The following ZNF250 variants were observed in gnomAD, a reference collection of about 807,000 sequenced individuals.
The protein encoded by ZNF250 is zinc finger protein (clone 647).
Under a neutral mutation model 37.1 loss-of-function variants are expected in ZNF250, and 13 were observed. The ratio of observed to expected loss-of-function variants is 0.35; its 90% CI spans 0.23 to 0.56. ZNF250 has a LOEUF of 0.56. Ranked by LOEUF, ZNF250 falls within the 20% of genes least tolerant of loss-of-function variation. ZNF250 has a pLI of 0.87. For missense variants in ZNF250, 474 were observed against 697.9 expected (o/e 0.68, Z 3.61); for synonymous variants, 251 against 265.6 (o/e 0.94, Z 0.54).
chr8:144,878,461 A>G lies in ZNF250; in HGVS notation c.*3054T>C, dbSNP rs1323271248. On this transcript the variant is annotated 3_prime_UTR_variant, in exon 6 of 6. Transcript: ENST00000417550. The stretch of plus-strand genomic sequence containing the variant: ...TTCCTTTCTGAAGAATCACATCAGC[A>G]GTCTCAGCCTCTCTTAAGTAACATC... 6.6e-6 allele frequency: 1 copy of G among 152,264 alleles called. No homozygotes were observed. The highest frequency in any genetic ancestry group is 1.9e-4 in the East Asian group (1 of 5,200). 9.4% of individuals were successfully genotyped at this position (152,264 alleles called of 1,614,324 possible).
In ZNF250 at chr8:144,882,120, T is replaced by A; in HGVS notation, c.1063A>T (p.Ile355Phe). ...VKRTLLQHQR[I>F]HTGEKPYTCS... ...GTGTAGGGCTTCTCCCCGGTGTGGA[T>A]CCTCTGGTGCTGCAGCAGTGTCCTC... The change falls in exon 6 of 6, where the codon ATC (isoleucine) becomes TTC (phenylalanine). Residue 355 changes from isoleucine (I) to phenylalanine (F), a missense_variant. Physicochemically the swap from Ile to Phe is conservative, Grantham distance 21. Around this residue, in one of 2 missense-constraint regions of ZNF250, gnomAD observed 282 missense variants for 470.4 expected, o/e 0.60. Coordinates refer to ENST00000417550, the MANE Select transcript of ZNF250 (RefSeq NM_001109689.4). This position sits in a 1 kb window ranked among gnomAD's most constrained non-coding sequence, Gnocchi z 5.5. The A allele has an allele frequency of 6.2e-7, 1 of 1,613,558 alleles. No individual in the cohort carries two copies. The highest frequency in any genetic ancestry group is 8.5e-7 in the Non-Finnish European group (1 of 1,179,910).
intron 1 of ZNF250, among the ~76,000 whole-genome samples, chr8:144,896,008 CAAA>C (rs1183288137): frequency 2.0e-4 from 13 of 64,880 alleles, no homozygotes; most frequent in Admixed American, 5.1e-4. Context: ...GACTCTGTCT[CAAA>C]AAAAAAAAAA....
At chr8:144,893,383 T>A (rs1832487966) in intron 1 of ZNF250, among the ~76,000 whole-genome samples, 1 of 152,134 alleles carries the variant, frequency 6.6e-6, no homozygotes, top group Non-Finnish European at 1.5e-5. Flanking sequence ...CAGGCTGGAG[T>A]GCAGTGGCAT....
At chr8:144,898,351 C>A (rs1377199057) in intron 1 of ZNF250, among the ~76,000 whole-genome samples, 33 of 149,988 alleles carry the variant, frequency 2.2e-4, no homozygotes, top group Admixed American at 2.2e-3. Flanking sequence ...CAAAACAAAA[C>A]AAAAAAACAA....
rs1832279010 is a variant in ZNF250 at position 144,890,798 on chromosome 8, A to G, written c.-54-395T>C. ...AGACTGTCCGCAAGTCATGTGGGGG[A>G]TACAGGCATCAGGCCAAGCTGCTTC... On this transcript the variant is annotated intron_variant, in intron 1 of 5. Coordinates refer to ENST00000417550, the MANE Select transcript of ZNF250 (RefSeq NM_001109689.4). This position sits in a 1 kb window ranked among gnomAD's most constrained non-coding sequence, Gnocchi z 5.1. Among the ~76,000 whole-genome samples the G allele has an allele frequency of 6.6e-6, 1 of 152,142 alleles. No homozygotes were observed. The highest frequency in any genetic ancestry group is 1.5e-5 in the Non-Finnish European group (1 of 68,024).
rs181621632 is a variant in ZNF250 at position 144,898,313 on chromosome 8, A to G, written c.-55+3086T>C. 9.7e-3 allele frequency among the ~76,000 whole-genome samples: 1,469 copies of G among 151,608 alleles called. 20 individuals are homozygous for G. The highest frequency in any genetic ancestry group is 0.034 in the African/African-American group (1,397 of 41,062). On this transcript the variant is annotated intron_variant, in intron 1 of 5. Coordinates refer to ENST00000417550, the MANE Select transcript of ZNF250 (RefSeq NM_001109689.4). ...CTCCATCTCAAAAGAAAAAAAGCAAATAAACAAACAAACAAAACAAAACAA... is the reference window on the plus strand; with the variant it reads ...CTCCATCTCAAAAGAAAAAAAGCAAGTAAACAAACAAACAAAACAAAACAA...
In ZNF250 at chr8:144,882,946, C is replaced by T. The variant is rs190368096; in HGVS notation, c.347-110G>A. 2.7e-5 allele frequency: 33 copies of T among 1,203,854 alleles called. No homozygotes were observed. In the Admixed American group the frequency reaches 5.3e-4, roughly 20 times the overall value. The allele number at this position is 1,203,854 out of a possible 1,614,324, so 74.6% of individuals were successfully genotyped here. ...AAGGTGCAAAATCCCTCAATGCACA[C>T]GTTGGTGTGAGCTACAGAAGAACAG... On this transcript the variant is annotated intron_variant, in intron 5 of 5. Coordinates refer to ENST00000417550, the MANE Select transcript of ZNF250 (RefSeq NM_001109689.4). The surrounding 1 kb of genome is among the most constrained non-coding windows in gnomAD (Gnocchi z 5.5).
chr8:144,893,566 A>C (rs1029611416), intron 1 of ZNF250, among the ~76,000 whole-genome samples: 1 of 152,058 alleles, frequency 6.6e-6, no homozygotes, highest in African/African-American at 2.4e-5. Flanking sequence ...CCTGAGCTCA[A>C]GTGATATGCC....
intron 5 of ZNF250, among the ~76,000 whole-genome samples, chr8:144,883,376 G>C (rs1338831344): frequency 6.7e-6 from 1 of 149,622 alleles, no homozygotes; most frequent in East Asian, 2.0e-4. Context: ...GCCTTGCTCT[G>C]TTATCCAGGC....
rs1484507746 is a variant in ZNF250, at chr8:144,876,976, T to C, written c.*4539A>G. ...CTTGTTCCAGTCATTACTTTTTTAT[T>C]GGAAAGCGTCAGATTATACACAGAA... On this transcript the variant is annotated 3_prime_UTR_variant, in exon 6 of 6. Coordinates refer to ENST00000417550, the MANE Select transcript of ZNF250 (RefSeq NM_001109689.4). 1.3e-5 allele frequency: 2 copies of C among 152,226 alleles called. No homozygotes were observed. The highest frequency in any genetic ancestry group is 2.9e-5 in the Non-Finnish European group (2 of 68,046). The allele number at this position is 152,226 out of a possible 1,614,324, so 9.4% of individuals were successfully genotyped here.
At chr8:144,887,252 C>CAAAAAAAAAAAAAAAAAAAAA (rs56677445) in intron 4 of ZNF250, among the ~76,000 whole-genome samples, 3 of 63,080 alleles carry the variant, frequency 4.8e-5, no homozygotes, top group African/African-American at 2.3e-4. Context: ...CTCCGTCTCT[C>CAAAAAAAAAAAAAAAAAAAAA]AAAAAAAAAA....
intron 4 of ZNF250, among the ~76,000 whole-genome samples, chr8:144,888,584 C>G (rs956493994): frequency 4.0e-5 from 4 of 100,786 alleles, no homozygotes; most frequent in Admixed American, 1.5e-4. Flanking sequence ...GGCGACAGAG[C>G]AAGACTGTCT....
chr8:144,901,095 G>A lies in ZNF250; in HGVS notation c.-55+304C>T, dbSNP rs1007823318. On this transcript the variant is annotated intron_variant, in intron 1 of 5. Transcript: ENST00000417550. This position sits in a 1 kb window ranked among gnomAD's most constrained non-coding sequence, Gnocchi z 5.4. The stretch of plus-strand genomic sequence containing the variant: ...GTGGGAGGGACGCCGGTCTGACGGG[G>A]CCCAAGGGGGTAGGGGCGGGGAAGG... Among the ~76,000 whole-genome samples, 1 of 151,256 alleles carries A rather than the reference G, an allele frequency of 6.6e-6. No homozygotes were observed. The highest frequency in any genetic ancestry group is 2.4e-5 in the African/African-American group (1 of 41,214).
intron 5 of ZNF250, among the ~76,000 whole-genome samples, chr8:144,886,553 T>C (rs959002220): frequency 1.2e-4 from 19 of 152,306 alleles, no homozygotes; most frequent in Admixed American, 1.1e-3. Context: ...TAGGGAAGTA[T>C]GTTTTAAGCA....
At chr8:144,886,199 A>T (rs1831867845) in intron 5 of ZNF250, among the ~76,000 whole-genome samples, 1 of 150,716 alleles carries the variant, frequency 6.6e-6, no homozygotes, top group South Asian at 2.1e-4. Flanking sequence ...GGCCAGGCAC[A>T]GTGGCTCATG....
At position 144,881,197 on chromosome 8, in the gene ZNF250, T is replaced by C. The variant is rs1831442319; in HGVS notation, c.*318A>G. ...GGAATGTAAGATTTTATTGGGATAA[T>C]GGTTCTTATGCCTTAAATTCCCTTA... On this transcript the variant is annotated 3_prime_UTR_variant, in exon 6 of 6. Transcript: ENST00000417550. The C allele has an allele frequency of 4.4e-6, 1 of 227,540 alleles. No homozygotes were observed. Among genetic ancestry groups the C allele is most frequent in the African/African-American group, 2.3e-5 (1 of 43,752 alleles). 14.1% of individuals were successfully genotyped at this position (227,540 alleles called of 1,614,324 possible).
In ZNF250 at chr8:144,882,229, G is replaced by A; in HGVS notation, c.954C>T (p.Ser318=). The A allele has an allele frequency of 6.2e-7, 1 of 1,614,086 alleles. No individual in the cohort carries two copies. The highest frequency in any genetic ancestry group is 8.5e-7 in the Non-Finnish European group (1 of 1,179,992). ...CPLCGKAFNH[S]TVLRSHQRVH... ...CCCTCTGGTGGCTCCGCAGAACAGTGCTATGGTTGAAGGCTTTCCCACACA... is the reference window on the plus strand; with the variant it reads ...CCCTCTGGTGGCTCCGCAGAACAGTACTATGGTTGAAGGCTTTCCCACACA... Residue 318 remains serine, a synonymous_variant, in exon 6 of 6, where the codon AGC becomes AGT. Coordinates refer to ENST00000417550, the MANE Select transcript of ZNF250 (RefSeq NM_001109689.4). The surrounding 1 kb of genome is among the most constrained non-coding windows in gnomAD (Gnocchi z 5.5).
At position 144,893,934 on chromosome 8, in the gene ZNF250, C is replaced by T. The variant is rs367958365; in HGVS notation, c.-54-3531G>A. Among the ~76,000 whole-genome samples the T allele has an allele frequency of 8.5e-4, 129 of 152,154 alleles. 1 individual carries two copies. Among genetic ancestry groups the T allele is most frequent in the Non-Finnish European group, 1.3e-3 (86 of 68,028 alleles). Reference sequence around the variant, plus strand: ...TGCTGGATGATGCTGGCCAGCTTTTCCGAGAAGCTGCTGCTAGGCATGGTT... The same window carrying T: ...TGCTGGATGATGCTGGCCAGCTTTTTCGAGAAGCTGCTGCTAGGCATGGTT... On this transcript the variant is annotated intron_variant, in intron 1 of 5. Transcript: ENST00000417550.
In ZNF250 at chr8:144,882,168, A is replaced by G. The variant is rs1385393649; in HGVS notation, c.1015T>C (p.Cys339Arg). The G allele has an allele frequency of 6.2e-7, 1 of 1,613,498 alleles. No individual in the cohort carries two copies. The highest frequency in any genetic ancestry group is 2.2e-5 in the East Asian group (1 of 44,844). ...CTCTTCACACTGAAGGTTTTCCCAC[A>G]CTCATTGCACCTGTGAGGCTTCTCC... The part of the protein sequence containing the change: ...TGEKPHRCNE[C>R]GKTFSVKRTL... Residue 339 changes from cysteine to arginine, a missense_variant, in exon 6 of 6, where the codon TGT becomes CGT. Cys to Arg is a radical substitution (Grantham distance 180). This residue lies in a region of ZNF250 where 282 missense variants were observed against 470.4 expected (regional missense o/e 0.60). Coordinates refer to ENST00000417550, the MANE Select transcript of ZNF250 (RefSeq NM_001109689.4). The surrounding 1 kb of genome is among the most constrained non-coding windows in gnomAD (Gnocchi z 5.5).
Sources: gnomAD v4.1 joint callset for allele counts (sites outside exome capture counted in the v4.1 genomes callset) on GRCh38, gnomAD v4.1.1 for gene constraint, gnomAD v4.1.1 regional missense constraint, Gnocchi (gnomAD v3.1) non-coding constraint, MANE v1.5 for transcripts, NCBI Gene and HGNC (gene_info 2026-07-23, HGNC 2026-07-21) for gene names.